HOOK3: variants seen among roughly 807,000 people sequenced by gnomAD.
The protein encoded by HOOK3 is protein Hook homolog 3.
A neutral mutation model predicts 116.3 loss-of-function variants in HOOK3; 24 were observed. The ratio of observed to expected loss-of-function variants is 0.21; its 90% confidence interval spans 0.15 to 0.29. HOOK3 has a LOEUF of 0.29. Ranked by LOEUF, HOOK3 falls within the 10% of genes least tolerant of loss-of-function variation. HOOK3 has a pLI of 1.00. For synonymous variants in HOOK3, 275 were observed against 283.0 expected (o/e 0.97, Z 0.28); for missense variants, 632 against 830.2 (o/e 0.76, Z 2.93).
At chr8:43,016,232 C>G (rs1374783041) in intron 21 of HOOK3, among the ~76,000 whole-genome samples, 1 of 151,590 alleles carries the variant, frequency 6.6e-6, no homozygotes, top group African/African-American at 2.4e-5. Context: ...ATCCTCTTGC[C>G]TCAGCCTCCC....
chr8:43,014,439 C>T (rs1434537154), intron 21 of HOOK3, among the ~76,000 whole-genome samples: 1 of 151,854 alleles, frequency 6.6e-6, no homozygotes, highest in Non-Finnish European at 1.5e-5. Flanking sequence ...GCAACCTCCG[C>T]CTCCCAGGTT....
chr8:42,985,772 TA>T (rs1809038387), intron 14 of HOOK3, among the ~76,000 whole-genome samples: 1 of 151,938 alleles, frequency 6.6e-6, no homozygotes, highest in Non-Finnish European at 1.5e-5. Context: ...TTGCCCATAA[TA>T]AAATACATCA....
At chr8:42,988,805 T>C (rs1012198466) in intron 15 of HOOK3, among the ~76,000 whole-genome samples, 1 of 152,166 alleles carries the variant, frequency 6.6e-6, no homozygotes, top group African/African-American at 2.4e-5. Flanking sequence ...TTCTTGCCAA[T>C]TTATCTTCTA....
intron 11 of HOOK3, among the ~76,000 whole-genome samples, chr8:42,971,252 G>GTTTTTT (rs1808721584): frequency 6.6e-6 from 1 of 151,984 alleles, no homozygotes; most frequent in Non-Finnish European, 1.5e-5. Context: ...TATGTTGTGT[G>GTTTTTT]TTTTTTGTTT....
chr8:42,957,558 AT>A (rs1808458194), intron 7 of HOOK3, among the ~76,000 whole-genome samples: 1 of 152,160 alleles, frequency 6.6e-6, no homozygotes, highest in African/African-American at 2.4e-5. Context: ...GTAAAATGAA[AT>A]ATACAGTTGT....
intron 4 of HOOK3, among the ~76,000 whole-genome samples, chr8:42,939,385 C>T (rs1483636837): frequency 2.2e-4 from 33 of 147,850 alleles, no homozygotes; most frequent in African/African-American, 6.5e-4. Context: ...GGCGGCTGGC[C>T]GGGCGGGGGG....
intron 2 of HOOK3, among the ~76,000 whole-genome samples, chr8:42,906,760 A>G (rs1807319620): frequency 6.6e-6 from 1 of 152,210 alleles, no homozygotes; most frequent in Non-Finnish European, 1.5e-5. Context: ...CAACATCCCC[A>G]AACACATATA....
intron 17 of HOOK3, among the ~76,000 whole-genome samples, chr8:43,004,849 C>T (rs1377294968): frequency 1.3e-5 from 2 of 152,040 alleles, no homozygotes; most frequent in African/African-American, 4.8e-5. Flanking sequence ...CTGGACATGC[C>T]ACATACTCTG....
At chr8:42,969,913 G>C (rs1212158270) in intron 11 of HOOK3, among the ~76,000 whole-genome samples, 2 of 151,896 alleles carry the variant, frequency 1.3e-5, no homozygotes, top group Non-Finnish European at 2.9e-5. Context: ...TCTATGACTT[G>C]TCCTTTTACT....
chr8:42,926,353 T>C (rs894092641), intron 3 of HOOK3, among the ~76,000 whole-genome samples: 3 of 152,242 alleles, frequency 2.0e-5, no homozygotes, highest in African/African-American at 7.2e-5. Context: ...TGGTGCAATC[T>C]TCGCTCACTG....
At chr8:42,943,778 T>C (rs990833553) in intron 5 of HOOK3, among the ~76,000 whole-genome samples, 1 of 152,220 alleles carries the variant, frequency 6.6e-6, no homozygotes, top group Non-Finnish European at 1.5e-5. Flanking sequence ...TACAGCAGTT[T>C]AATAGATATT....
intron 5 of HOOK3, among the ~76,000 whole-genome samples, chr8:42,947,015 TGCCTCG>T: frequency 6.6e-6 from 1 of 152,236 alleles, no homozygotes; most frequent in Middle Eastern, 3.4e-3. Flanking sequence ...ATGATCCGCC[TGCCTCG>T]GCCTCCCAAA....
chr8:42,907,440 A>G (rs1402609944), intron 2 of HOOK3, among the ~76,000 whole-genome samples: 1 of 152,160 alleles, frequency 6.6e-6, no homozygotes, highest in Non-Finnish European at 1.5e-5. Flanking sequence ...AGATTTTTTA[A>G]TGAAGCTCAA....
rs1207990173 is a variant in HOOK3, at chr8:43,024,096, C to T, written c.*5598C>T. On this transcript the variant is annotated 3_prime_UTR_variant, in exon 22 of 22. Coordinates refer to ENST00000307602, the MANE Select transcript of HOOK3 (RefSeq NM_032410.4). ...AGCTAGTGGAAACCGAGCTAGTTTA[C>T]AGCCACGTGGATAAGAACATCTTTG... 9.6e-6 allele frequency: 2 copies of T among 207,490 alleles called. No homozygotes were observed. The highest frequency in any genetic ancestry group is 4.6e-5 in the African/African-American group (2 of 43,922). The allele number at this position is 207,490 out of a possible 1,614,324, so 12.9% of individuals were successfully genotyped here.
intron 2 of HOOK3, among the ~76,000 whole-genome samples, chr8:42,922,089 C>T (rs1296502909): frequency 6.6e-6 from 1 of 152,168 alleles, no homozygotes; most frequent in Non-Finnish European, 1.5e-5. Flanking sequence ...CCCTTTCTTA[C>T]ACCATGCAAA....
At chr8:42,961,059 G>A (rs1459843652) in intron 8 of HOOK3, among the ~76,000 whole-genome samples, 2 of 152,112 alleles carry the variant, frequency 1.3e-5, no homozygotes, top group Non-Finnish European at 2.9e-5. Context: ...AGGAGCAAGG[G>A]GTGGAAAGGT....
chr8:42,946,259 G>T (rs960468517), intron 5 of HOOK3, among the ~76,000 whole-genome samples: 1 of 152,156 alleles, frequency 6.6e-6, no homozygotes, highest in African/African-American at 2.4e-5. Context: ...CTCAGCTGCA[G>T]CTTAAAGGGG....
chr8:42,902,016 G>A (rs1380465707), intron 1 of HOOK3, among the ~76,000 whole-genome samples: 1 of 151,838 alleles, frequency 6.6e-6, no homozygotes, highest in Non-Finnish European at 1.5e-5. Context: ...CCCAGATCAA[G>A]TCTTAACAAC....
intron 1 of HOOK3, among the ~76,000 whole-genome samples, chr8:42,897,836 C>T (rs1041445863): frequency 6.6e-5 from 10 of 152,246 alleles, no homozygotes; most frequent in African/African-American, 2.4e-4. Context: ...GTTCACCTCT[C>T]ACGTCAGCTG....
Sources: allele counts gnomAD v4.1 joint callset (sites outside exome capture counted in the v4.1 genomes callset), GRCh38; gene constraint gnomAD v4.1.1; transcripts MANE v1.5; gene names NCBI Gene and HGNC (gene_info 2026-07-23, HGNC 2026-07-21).